The following IQCM variants were observed in gnomAD, a reference collection of about 807,000 sequenced individuals.
IQCM encodes the protein IQ motif containing M, also known as IQ domain-containing protein M.
IQCM carries 45 observed loss-of-function variants against 57.6 expected under a neutral mutation model. That is an observed-to-expected ratio of 0.78 (90% CI 0.62 to 1.00). The LOEUF (loss-of-function observed/expected upper bound fraction) is 1.00. IQCM is among the 50% of genes least tolerant of loss of function. The pLI is 0.00. For missense variants in IQCM, 468 were observed against 511.6 expected (o/e 0.91, Z 0.82); for synonymous variants, 148 against 158.9 (o/e 0.93, Z 0.51).
At chr4:149,666,975 G>C (rs1760787056) in intron 7 of IQCM, among the ~76,000 whole-genome samples, 1 of 152,148 alleles carries the variant, frequency 6.6e-6, no homozygotes, top group South Asian at 2.1e-4. Context: ...AGAGCACCTG[G>C]GGGAAGGGAC....
intron 12 of IQCM, among the ~76,000 whole-genome samples, chr4:149,521,950 C>T (rs1745689722): frequency 1.3e-5 from 2 of 152,178 alleles, no homozygotes; most frequent in African/African-American, 4.8e-5. Flanking sequence ...GGGGAGGTTC[C>T]TGGGACAAGG....
Position 149,750,472 on chromosome 4 carries a change from T to C in IQCM, c.-48-7733A>G, listed in dbSNP as rs114323051. ...AGAAATGTATCAGTTAGGGCATATATGTCCAAGAACAAAAAAGGTAATAAG... is the reference window on the plus strand; with the variant it reads ...AGAAATGTATCAGTTAGGGCATATACGTCCAAGAACAAAAAAGGTAATAAG... On this transcript the variant is annotated intron_variant, in intron 2 of 13. Coordinates refer to ENST00000636793, the MANE Select transcript of IQCM (RefSeq NM_001363507.2). 6.1e-3 allele frequency among the ~76,000 whole-genome samples: 924 copies of C among 152,326 alleles called. 8 individuals carry two copies. The highest frequency in any genetic ancestry group is 0.021 in the African/African-American group (870 of 41,562).
At chr4:149,751,258 G>C (rs1417207685) in intron 2 of IQCM, among the ~76,000 whole-genome samples, 1 of 152,142 alleles carries the variant, frequency 6.6e-6, no homozygotes, top group Non-Finnish European at 1.5e-5. Flanking sequence ...TGAAATTCCA[G>C]AATTTTACCC....
intron 2 of IQCM, among the ~76,000 whole-genome samples, chr4:149,805,081 A>G (rs1773948250): frequency 1.3e-5 from 2 of 152,118 alleles, no homozygotes; most frequent in African/African-American, 4.8e-5. Context: ...CCATTCATAA[A>G]GCTGTCAAGC....
chr4:149,690,463 A>G (rs1762865838), intron 5 of IQCM, among the ~76,000 whole-genome samples: 1 of 152,054 alleles, frequency 6.6e-6, no homozygotes, highest in Non-Finnish European at 1.5e-5. Context: ...GACTACAAAT[A>G]GGGTGCAGCA....
At chr4:149,619,107 G>GATAGATATATATATATATATAT (rs1756068269) in intron 8 of IQCM, among the ~76,000 whole-genome samples, 2 of 126,762 alleles carry the variant, frequency 1.6e-5, no homozygotes, top group African/African-American at 6.2e-5. Flanking sequence ...ATGTGGGATG[G>GATAGATATATATATATATATAT]ATATATATAT....
At chr4:149,471,143 A>G (rs1463240507) in intron 12 of IQCM, among the ~76,000 whole-genome samples, 9 of 152,150 alleles carry the variant, frequency 5.9e-5, no homozygotes, top group Non-Finnish European at 1.2e-4. Flanking sequence ...GGAGATAGAG[A>G]CCCAAAAAAC....
intron 13 of IQCM, chr4:149,429,941 A>T (rs1734707352): frequency 2.6e-6 from 3 of 1,143,698 alleles, no homozygotes; most frequent in Non-Finnish European, 3.3e-6. Context: ...ATTTCCTTTT[A>T]ATTTGTTTAT....
chr4:149,662,841 G>C (rs1387134615), intron 7 of IQCM, among the ~76,000 whole-genome samples: 1 of 151,944 alleles, frequency 6.6e-6, no homozygotes, highest in Non-Finnish European at 1.5e-5. Context: ...GTTGGGTCTT[G>C]TTTTTATGTC....
At chr4:149,742,817 A>G (rs927963696) in intron 2 of IQCM, 78 bp from the exon 3 acceptor site, 1 of 600,050 alleles carries the variant, frequency 1.7e-6, no homozygotes, top group Non-Finnish European at 2.4e-6. Context: ...ACTCATAGGT[A>G]AATAGGGTGA....
At chr4:149,510,342 A>C (rs1056373396) in intron 12 of IQCM, among the ~76,000 whole-genome samples, 3 of 152,188 alleles carry the variant, frequency 2.0e-5, no homozygotes, top group Admixed American at 2.0e-4. Flanking sequence ...TTATCAATTT[A>C]AAGAATCTTT....
intron 7 of IQCM, among the ~76,000 whole-genome samples, chr4:149,633,858 T>C (rs1455001685): frequency 1.3e-5 from 2 of 152,182 alleles, no homozygotes; most frequent in Non-Finnish European, 2.9e-5. Context: ...AAGGCCAAGC[T>C]ACACCGTCAT....
intron 5 of IQCM, 63 bp downstream of exon 5, chr4:149,733,181 C>T: frequency 1.7e-6 from 2 of 1,198,074 alleles, no homozygotes; most frequent in East Asian, 3.2e-5. Context: ...ATTACAGGCA[C>T]ATAAGAAACA....
At chr4:149,527,349 C>A (rs1746260134) in intron 12 of IQCM, among the ~76,000 whole-genome samples, 1 of 152,144 alleles carries the variant, frequency 6.6e-6, no homozygotes, top group Non-Finnish European at 1.5e-5. Flanking sequence ...GACACTTCAA[C>A]CCCCAATGTG....
At chr4:149,451,321 A>G (rs554163665) in intron 12 of IQCM, among the ~76,000 whole-genome samples, 1 of 151,986 alleles carries the variant, frequency 6.6e-6, no homozygotes, top group South Asian at 2.1e-4. Context: ...GCATTTTAAA[A>G]TAACTAAAAG....
At chr4:149,753,031 A>G (rs1348223114) in intron 2 of IQCM, among the ~76,000 whole-genome samples, 2 of 152,262 alleles carry the variant, frequency 1.3e-5, no homozygotes. Flanking sequence ...CTGGGAACTT[A>G]GGGGCAACTA....
At chr4:149,502,151 T>TATACAC (rs150638237) in intron 12 of IQCM, among the ~76,000 whole-genome samples, 130 of 149,554 alleles carry the variant, frequency 8.7e-4, no homozygotes, top group Admixed American at 1.5e-3. Flanking sequence ...TATATATATA[T>TATACAC]ACACACACAC....
intron 13 of IQCM, among the ~76,000 whole-genome samples, chr4:149,383,912 C>T (rs1017548009): frequency 6.6e-6 from 1 of 152,040 alleles, no homozygotes; most frequent in African/African-American, 2.4e-5. Context: ...AAGATCATGC[C>T]ATGGCACTCT....
intron 2 of IQCM, among the ~76,000 whole-genome samples, chr4:149,797,734 C>T (rs1036846477): frequency 2.0e-5 from 3 of 151,558 alleles, no homozygotes; most frequent in Non-Finnish European, 2.9e-5. Context: ...TAGCAGCAGA[C>T]TTTTCAATGG....
Sources: gnomAD v4.1 joint callset for allele counts (sites outside exome capture counted in the v4.1 genomes callset) on GRCh38, gnomAD v4.1.1 for gene constraint, MANE v1.5 for transcripts, NCBI Gene and HGNC (gene_info 2026-07-23, HGNC 2026-07-21) for gene names.